Variants in MAP2K1 observed in about 807,000 individuals in gnomAD.
The protein encoded by MAP2K1 is dual specificity mitogen-activated protein kinase kinase 1.
A neutral mutation model predicts 46.3 loss-of-function variants in MAP2K1; 16 were observed. That is an observed-to-expected ratio of 0.35 (90% CI 0.23 to 0.52). The LOEUF (loss-of-function observed/expected upper bound fraction) is 0.52, where lower values mean the gene tolerates loss of function less well. Ranked by LOEUF, MAP2K1 falls within the 20% of genes least tolerant of loss-of-function variation. The pLI, the probability that MAP2K1 is intolerant of heterozygous loss-of-function variation, is 0.94. For synonymous variants in MAP2K1, 183 were observed against 185.6 expected, an observed-to-expected ratio of 0.99 and a Z score of 0.11; for missense variants, 263 against 497.1, an observed-to-expected ratio of 0.53 and a Z score of 4.48.
intron 8 of MAP2K1, chr15:66,488,974 T>TA: frequency 1.7e-6 from 1 of 593,332 alleles, no homozygotes; most frequent in South Asian, 2.0e-5. Context: ...TGAGTGGACT[T>TA]GACTTGGTCC....
intron 2 of MAP2K1, 81 bp downstream of exon 2, chr15:66,435,318 T>C: frequency 1.7e-6 from 2 of 1,184,994 alleles, no homozygotes; most frequent in Non-Finnish European, 2.5e-6. Flanking sequence ...GAAGGAAGAC[T>C]GATTTTACTC....
chr15:66,431,430 T>A (rs1312738492), intron 1 of MAP2K1, among the ~76,000 whole-genome samples: 1 of 152,198 alleles, frequency 6.6e-6, no homozygotes, highest in Non-Finnish European at 1.5e-5. Context: ...TCAGATAAAA[T>A]GTTTCATCTT....
chr15:66,440,227 G>A (rs546719564), intron 3 of MAP2K1, among the ~76,000 whole-genome samples: 2 of 152,228 alleles, frequency 1.3e-5, no homozygotes, highest in South Asian at 4.1e-4. Flanking sequence ...GAGTAGCTGG[G>A]ACTACAGGCA....
intron 5 of MAP2K1, among the ~76,000 whole-genome samples, chr15:66,446,070 C>T (rs1283765765): frequency 1.3e-5 from 2 of 151,710 alleles, no homozygotes; most frequent in Non-Finnish European, 2.9e-5. Flanking sequence ...CTAAAAGTAC[C>T]GAAAATTAGC....
chr15:66,486,719 A>G (rs546327425), intron 7 of MAP2K1, among the ~76,000 whole-genome samples: 1 of 152,112 alleles, frequency 6.6e-6, no homozygotes, highest in Non-Finnish European at 1.5e-5. Context: ...CTGTACCTCC[A>G]TGAGGTCCAC....
chr15:66,487,080 CCT>C (rs1399294144), intron 7 of MAP2K1, 146 bp from the exon 8 acceptor site: 4 of 690,248 alleles, frequency 5.8e-6, no homozygotes, highest in African/African-American at 1.8e-5. Context: ...TTGCTGGTCC[CCT>C]CTGTGTTCAA....
chr15:66,433,449 G>A (rs1040356104), intron 1 of MAP2K1, among the ~76,000 whole-genome samples: 5 of 152,178 alleles, frequency 3.3e-5, no homozygotes, highest in African/African-American at 1.2e-4. Flanking sequence ...TTCCTACTGT[G>A]TGCTTGCATG....
chr15:66,414,578 G>A (rs1185880332), intron 1 of MAP2K1, among the ~76,000 whole-genome samples: 1 of 152,114 alleles, frequency 6.6e-6, no homozygotes, highest in Non-Finnish European at 1.5e-5. Flanking sequence ...ATTAACCAGG[G>A]AAGCTCCCCT....
chr15:66,402,880 A>G (rs2093385685), intron 1 of MAP2K1, among the ~76,000 whole-genome samples: 1 of 152,216 alleles, frequency 6.6e-6, no homozygotes, highest in African/African-American at 2.4e-5. Context: ...TGCTCTCAGT[A>G]GCAGTTCTGG....
chr15:66,485,383 T>C (rs1446113357), intron 7 of MAP2K1, among the ~76,000 whole-genome samples, 192 bp downstream of exon 7: 4 of 152,224 alleles, frequency 2.6e-5, no homozygotes, highest in African/African-American at 9.6e-5. Flanking sequence ...CTTCCTACCA[T>C]TTGTTGAGTA....
intron 1 of MAP2K1, among the ~76,000 whole-genome samples, chr15:66,434,024 C>G (rs2093481199): frequency 6.6e-6 from 1 of 152,220 alleles, no homozygotes; most frequent in South Asian, 2.1e-4. Flanking sequence ...TATGTGCTTA[C>G]CAAGAGCCAG....
chr15:66,467,749 TG>T (rs1388010537), intron 5 of MAP2K1, among the ~76,000 whole-genome samples: 1 of 152,154 alleles, frequency 6.6e-6, no homozygotes, highest in African/African-American at 2.4e-5. Context: ...TTAGTAGAGA[TG>T]GGGTTTTACC....
At chr15:66,459,770 C>T (rs1365815052) in intron 5 of MAP2K1, among the ~76,000 whole-genome samples, 5 of 152,202 alleles carry the variant, frequency 3.3e-5, no homozygotes, top group Admixed American at 6.5e-5. Flanking sequence ...TCCATTCAGA[C>T]TTGTTGGCAC....
chr15:66,452,287 T>TAAAAAAAA (rs146502834), intron 5 of MAP2K1, among the ~76,000 whole-genome samples: 2 of 103,600 alleles, frequency 1.9e-5, no homozygotes, highest in East Asian at 3.1e-4. Context: ...TAGAGTATAA[T>TAAAAAAAA]AAAAAAAAAA....
intron 1 of MAP2K1, among the ~76,000 whole-genome samples, chr15:66,423,836 A>T (rs1313205528): frequency 6.6e-6 from 1 of 151,654 alleles, no homozygotes; most frequent in Non-Finnish European, 1.5e-5. Flanking sequence ...CAAACTCCCA[A>T]CCTCAGGTGA....
chr15:66,460,155 G>A (rs573573318), intron 5 of MAP2K1, among the ~76,000 whole-genome samples: 1 of 152,372 alleles, frequency 6.6e-6, no homozygotes, highest in Admixed American at 6.5e-5. Context: ...GTGTCAGACT[G>A]CCCTGCCTTA....
At chr15:66,479,181 C>T (rs1892856106) in intron 5 of MAP2K1, among the ~76,000 whole-genome samples, 1 of 151,976 alleles carries the variant, frequency 6.6e-6, no homozygotes, top group Non-Finnish European at 1.5e-5. Context: ...ACTGCAACCT[C>T]TGCTTCCCGG....
chr15:66,424,201 G>C (rs1429931378), intron 1 of MAP2K1, among the ~76,000 whole-genome samples: 1 of 151,800 alleles, frequency 6.6e-6, no homozygotes, highest in African/African-American at 2.4e-5. Flanking sequence ...GAGATTACAG[G>C]CATATGCCAC....
At chr15:66,482,691 A>T (rs1892941200) in intron 6 of MAP2K1, among the ~76,000 whole-genome samples, 2 of 152,166 alleles carry the variant, frequency 1.3e-5, no homozygotes, top group South Asian at 2.1e-4. Context: ...GGGGCCTGGC[A>T]TGTGGTAGGT....
Sources: gnomAD v4.1 joint callset for allele counts (sites outside exome capture counted in the v4.1 genomes callset) on GRCh38, gnomAD v4.1.1 for gene constraint, MANE v1.5 for transcripts, NCBI Gene and HGNC (gene_info 2026-07-23, HGNC 2026-07-21) for gene names.